Variants in N4BP2L2 observed in about 807,000 individuals in gnomAD.
The protein encoded by N4BP2L2 is NEDD4 binding protein 2 like 2.
In N4BP2L2, 50 loss-of-function variants were observed where a neutral mutation model predicts 56.2. The observed-to-expected ratio is 0.89, with a 90% CI of 0.71 to 1.13. The LOEUF (loss-of-function observed/expected upper bound fraction) is 1.13, where lower values mean the gene tolerates loss of function less well. Ranked by LOEUF, N4BP2L2 falls within the 50% of genes most tolerant of loss-of-function variation. The pLI is 0.00. For synonymous variants in N4BP2L2, 203 were observed against 223.6 expected (o/e 0.91, Z 0.82); for missense variants, 689 against 693.8 (o/e 0.99, Z 0.08).
intron 6 of N4BP2L2, among the ~76,000 whole-genome samples, chr13:32,491,492 T>C (rs1275133120): frequency 6.7e-6 from 1 of 149,322 alleles, no homozygotes; most frequent in African/African-American, 2.4e-5. Flanking sequence ...ATGTCAATAA[T>C]CAACAGTTTT....
intron 6 of N4BP2L2, among the ~76,000 whole-genome samples, chr13:32,470,013 G>A (rs954049832): frequency 6.6e-6 from 1 of 152,182 alleles, no homozygotes; most frequent in Non-Finnish European, 1.5e-5. Context: ...TCTGGGTGGG[G>A]CTGCATCAAT....
At chr13:32,512,517 T>C (rs2048342790) in exon 6 of N4BP2L2, 1 of 152,198 alleles carries the variant, frequency 6.6e-6, no homozygotes, top group South Asian at 2.1e-4. Context: ...ACAACTGGAA[T>C]GTAACAGGGT....
At chr13:32,462,656 T>C (rs1176070861) in intron 6 of N4BP2L2, among the ~76,000 whole-genome samples, 1 of 152,034 alleles carries the variant, frequency 6.6e-6, no homozygotes, top group Non-Finnish European at 1.5e-5. Flanking sequence ...CTTAAGGTGA[T>C]GGATACCCTA....
chr13:32,511,512 ACC>A (rs1566150989), exon 6 of N4BP2L2: 2 of 152,166 alleles, frequency 1.3e-5, no homozygotes, highest in Non-Finnish European at 2.9e-5. Context: ...TGGATTCCCC[ACC>A]AATGATTAAC....
At chr13:32,482,504 T>C (rs887552758) in intron 6 of N4BP2L2, among the ~76,000 whole-genome samples, 1 of 147,706 alleles carries the variant, frequency 6.8e-6, no homozygotes, top group Non-Finnish European at 1.5e-5. Flanking sequence ...TGGGACTAAA[T>C]GACCAGCTAA....
At chr13:32,441,692 T>C (rs1261004937) in intron 7 of N4BP2L2, among the ~76,000 whole-genome samples, 5 of 25,848 alleles carry the variant, frequency 1.9e-4, no homozygotes, top group Non-Finnish European at 3.2e-4. Flanking sequence ...CTCAAAAACA[T>C]AAATAAATAA....
chr13:32,529,639 C>G (rs551933142), intron 2 of N4BP2L2, among the ~76,000 whole-genome samples: 1 of 143,536 alleles, frequency 7.0e-6, no homozygotes, highest in African/African-American at 2.6e-5. Context: ...TGTCTAGATA[C>G]TTTATGCTTC....
intron 4 of N4BP2L2, chr13:32,521,834 G>A (rs1020831079): frequency 3.7e-6 from 1 of 268,874 alleles, no homozygotes; most frequent in Admixed American, 5.6e-5. Flanking sequence ...AAATTAGCTG[G>A]GCATGGGGGC....
At chr13:32,482,928 G>C (rs1196600471) in intron 6 of N4BP2L2, among the ~76,000 whole-genome samples, 4 of 152,076 alleles carry the variant, frequency 2.6e-5, no homozygotes, top group African/African-American at 7.2e-5. Context: ...CTACTAGTTT[G>C]TTTGTATTTC....
At chr13:32,531,904 A>G (rs2054918079) in intron 2 of N4BP2L2, among the ~76,000 whole-genome samples, 2 of 152,160 alleles carry the variant, frequency 1.3e-5, no homozygotes, top group African/African-American at 4.8e-5. Flanking sequence ...TGCCTTTTCC[A>G]GCTTCTAAAG....
At chr13:32,482,777 A>G (rs2085043414) in intron 6 of N4BP2L2, among the ~76,000 whole-genome samples, 2 of 152,198 alleles carry the variant, frequency 1.3e-5, no homozygotes, top group Non-Finnish European at 2.9e-5. Flanking sequence ...CAAAACTAAG[A>G]CACCATTTGG....
chr13:32,481,147 A>AC (rs1555258666), intron 6 of N4BP2L2, among the ~76,000 whole-genome samples: 3 of 149,838 alleles, frequency 2.0e-5, no homozygotes, highest in Non-Finnish European at 4.5e-5. Flanking sequence ...AAAAAAAAAA[A>AC]AGGATTGCAC....
chr13:32,492,272 A>AT (rs1185615708), intron 6 of N4BP2L2, among the ~76,000 whole-genome samples: 32 of 77,068 alleles, frequency 4.2e-4, no homozygotes, highest in East Asian at 8.1e-4. Context: ...AAAACACCAA[A>AT]ATTTTTTTTT....
intron 6 of N4BP2L2, among the ~76,000 whole-genome samples, chr13:32,455,326 A>C (rs1412462033): frequency 6.6e-6 from 1 of 152,074 alleles, no homozygotes; most frequent in Non-Finnish European, 1.5e-5. Flanking sequence ...AAGGGAACTA[A>C]AGTGTGTGCT....
chr13:32,494,396 T>C (rs552115449), intron 6 of N4BP2L2, among the ~76,000 whole-genome samples: 54 of 152,236 alleles, frequency 3.5e-4, no homozygotes, highest in African/African-American at 1.3e-3. Flanking sequence ...TAGAAACCAA[T>C]AAGTTGTTTA....
At chr13:32,513,855 G>C (rs1470507473) in exon 6 of N4BP2L2, 1 of 152,060 alleles carries the variant, frequency 6.6e-6, no homozygotes, top group Non-Finnish European at 1.5e-5. Flanking sequence ...AGCCTATCTG[G>C]CCAAGGCACT....
chr13:32,463,071 T>C (rs1009865020), intron 6 of N4BP2L2, among the ~76,000 whole-genome samples: 2 of 149,166 alleles, frequency 1.3e-5, no homozygotes, highest in Non-Finnish European at 3.0e-5. Context: ...TATACAAATA[T>C]TACACATTAA....
intron 5 of N4BP2L2, among the ~76,000 whole-genome samples, chr13:32,519,909 G>C (rs912997798): frequency 6.6e-6 from 1 of 152,042 alleles, no homozygotes; most frequent in Non-Finnish European, 1.5e-5. Flanking sequence ...AGCCATAACT[G>C]CATAGCATTT....
At chr13:32,494,952 A>G (rs144458125) in intron 6 of N4BP2L2, among the ~76,000 whole-genome samples, 191 of 152,284 alleles carry the variant, frequency 1.3e-3, no homozygotes, top group African/African-American at 4.2e-3. Context: ...AAACTGGCAG[A>G]CATAGAAACA....
Sources: allele counts gnomAD v4.1 joint callset (sites outside exome capture counted in the v4.1 genomes callset), GRCh38; gene constraint gnomAD v4.1.1; transcripts MANE v1.5; gene names NCBI Gene and HGNC (gene_info 2026-07-23, HGNC 2026-07-21).